The following MESD variants were observed in gnomAD, a reference collection of about 807,000 sequenced individuals.
MESD encodes the protein LRP chaperone MESD.
Under a neutral mutation model 12.9 loss-of-function variants are expected in MESD, and 7 were observed. The observed-to-expected ratio is 0.54, with a 90% CI of 0.31 to 1.02. The LOEUF (loss-of-function observed/expected upper bound fraction) is 1.02, where lower values mean the gene tolerates loss of function less well. Among genes scored for constraint, MESD ranks in the 50% least tolerant of loss-of-function variants. The pLI is 0.05. For synonymous variants in MESD, 126 were observed against 115.6 expected, an observed-to-expected ratio of 1.09 and a Z score of -0.58; for missense variants, 342 against 296.7, an observed-to-expected ratio of 1.15 and a Z score of -1.12.
chr15:80,953,126 C>A (rs1278880949), intron 3 of MESD: 1 of 455,220 alleles, frequency 2.2e-6, no homozygotes, highest in Non-Finnish European at 4.4e-6. Context: ...CTTGAGAACA[C>A]CTGGGCATAA....
intron 3 of MESD, among the ~76,000 whole-genome samples, chr15:80,965,085 C>T (rs1345328175): frequency 1.3e-5 from 2 of 152,148 alleles, no homozygotes; most frequent in African/African-American, 2.4e-5. Flanking sequence ...CCAGAATCTA[C>T]AAAGAACTTA....
intron 3 of MESD, among the ~76,000 whole-genome samples, chr15:80,969,367 T>C (rs943455009): frequency 6.6e-6 from 1 of 152,146 alleles, no homozygotes; most frequent in African/African-American, 2.4e-5. Flanking sequence ...GGACCTTGCC[T>C]GCCTTGCTAT....
chr15:80,950,664 G>C (rs1901778792), intron 4 of MESD: 1 of 152,484 alleles, frequency 6.6e-6, no homozygotes, highest in Non-Finnish European at 1.5e-5. Flanking sequence ...GCTGATCTTG[G>C]GTGTCTGAAC....
intron 3 of MESD, among the ~76,000 whole-genome samples, chr15:80,963,254 A>G (rs1029350316): frequency 4.6e-5 from 7 of 152,252 alleles, no homozygotes; most frequent in African/African-American, 1.7e-4. Flanking sequence ...TCCTGTATAC[A>G]TACACCCTCC....
chr15:80,989,048 G>C (rs989372374), intron 1 of MESD, among the ~76,000 whole-genome samples: 1 of 152,096 alleles, frequency 6.6e-6, no homozygotes, highest in Non-Finnish European at 1.5e-5. Context: ...CCCACAAAAA[G>C]CACAAAATTC....
intron 3 of MESD, among the ~76,000 whole-genome samples, chr15:80,956,328 C>T (rs960219656): frequency 2.0e-5 from 3 of 152,158 alleles, no homozygotes; most frequent in East Asian, 3.9e-4. Flanking sequence ...AATCGGAAGG[C>T]GTCCAACTGC....
downstream of MESD, among the ~76,000 whole-genome samples, chr15:80,972,190 C>T (rs1902303064): frequency 6.6e-6 from 1 of 152,164 alleles, no homozygotes; most frequent in South Asian, 2.1e-4. Flanking sequence ...GAAACCTCTT[C>T]AAAGTAGCCC....
At chr15:80,974,350 A>G (rs1902358174), downstream of MESD, among the ~76,000 whole-genome samples, 1 of 152,076 alleles carries the variant, frequency 6.6e-6, no homozygotes, top group Admixed American at 6.6e-5. Context: ...AAGCATGAAT[A>G]AGAGAGGGAA....
chr15:80,968,977 C>G (rs978876895), intron 3 of MESD, among the ~76,000 whole-genome samples: 2 of 152,056 alleles, frequency 1.3e-5, no homozygotes, highest in African/African-American at 4.8e-5. Flanking sequence ...TTGCTTGAAC[C>G]CAGGAGTTCA....
chr15:80,955,714 A>G (rs1408834034), intron 3 of MESD, among the ~76,000 whole-genome samples: 2 of 150,886 alleles, frequency 1.3e-5, no homozygotes, highest in Non-Finnish European at 3.0e-5. Context: ...TCCGCCCCCC[A>G]GGTTCAAGCG....
intron 2 of MESD, among the ~76,000 whole-genome samples, chr15:80,981,265 G>A (rs1397178961): frequency 1.3e-5 from 2 of 151,176 alleles, no homozygotes; most frequent in African/African-American, 2.4e-5. Flanking sequence ...GTGAAACCCC[G>A]TCTCTATTAA....
exon 4 of MESD, chr15:80,951,983 T>C (rs1901848447): frequency 1.5e-5 from 5 of 330,944 alleles, no homozygotes; most frequent in East Asian, 1.6e-4. Context: ...AGGCGGGGTG[T>C]CCATAAGAGC....
In MESD at chr15:80,989,806, G is replaced by T; in HGVS notation, c.-15C>A. On this transcript the variant is annotated 5_prime_UTR_variant, in exon 1 of 3. Transcript: ENST00000261758. Reference sequence around the variant, plus strand: ...GAAGCCGCCATTTTCGCTGCGCCGCGCAGCGCCCTAGACGCGCTTACCCGA... The same window carrying T: ...GAAGCCGCCATTTTCGCTGCGCCGCTCAGCGCCCTAGACGCGCTTACCCGA... The T allele has an allele frequency of 1.3e-6, 2 of 1,555,712 alleles. No homozygotes were observed. The highest frequency in any genetic ancestry group is 2.1e-4 in the Middle Eastern group (1 of 4,664).
chr15:80,982,267 A>G, intron 1 of MESD, 85 bp from the exon 2 acceptor site: 1 of 1,018,404 alleles, frequency 9.8e-7, no homozygotes, highest in South Asian at 1.4e-5. Flanking sequence ...GCATGATGTC[A>G]GGTGCATGTA....
intron 3 of MESD, among the ~76,000 whole-genome samples, chr15:80,967,289 T>C (rs1217368873): frequency 6.6e-6 from 1 of 151,856 alleles, no homozygotes; most frequent in Middle Eastern, 3.4e-3. Context: ...TGAAACTCCA[T>C]CTCAAAAAAA....
rs191989642 is a variant in MESD at position 80,989,813 on chromosome 15, C to A, written c.-22G>T. 14 of 1,544,258 alleles carry A rather than the reference C, an allele frequency of 9.1e-6. No homozygotes were observed. The East Asian group carries it at 3.1e-4, about 34-fold the overall frequency. On this transcript the variant is annotated 5_prime_UTR_variant, in exon 1 of 3. Transcript: ENST00000261758. ...CCATTTTCGCTGCGCCGCGCAGCGC[C>A]CTAGACGCGCTTACCCGACCTGCGC... is the stretch of plus-strand genomic sequence containing the variant.
intron 3 of MESD, among the ~76,000 whole-genome samples, chr15:80,954,473 G>T (rs1307607933): frequency 6.6e-6 from 1 of 152,182 alleles, no homozygotes; most frequent in African/African-American, 2.4e-5. Flanking sequence ...TTTCTCAATG[G>T]CAGGGAAAGG....
intron 3 of MESD, among the ~76,000 whole-genome samples, chr15:80,959,498 C>A (rs1902047935): frequency 6.6e-6 from 1 of 152,142 alleles, no homozygotes; most frequent in Non-Finnish European, 1.5e-5. Context: ...AGGGCAACTC[C>A]AAGGGGTTTC....
Position 80,981,898 on chromosome 15 carries a change from G to A in MESD, c.446+52C>T, listed in dbSNP as rs898537739. 4.9e-6 allele frequency: 6 copies of A among 1,226,476 alleles called. No individual in the cohort carries two copies. The Admixed American group carries it at 1.3e-4, about 26-fold the overall frequency. The allele number at this position is 1,226,476 out of a possible 1,614,324, so 76.0% of individuals were successfully genotyped here. ...CATCATAATTAATAATAATAATAAA[G>A]AAAAGACCGAGCACAGCCTATGAGT... On this transcript the variant is annotated intron_variant, in intron 2 of 2. Coordinates refer to ENST00000261758, the MANE Select transcript of MESD (RefSeq NM_015154.3).
Sources: gnomAD v4.1 joint callset for allele counts (sites outside exome capture counted in the v4.1 genomes callset) on GRCh38, gnomAD v4.1.1 for gene constraint, MANE v1.5 for transcripts, NCBI Gene and HGNC (gene_info 2026-07-23, HGNC 2026-07-21) for gene names.